MGAT4C: variants seen among roughly 807,000 people sequenced by gnomAD.
MGAT4C encodes MGAT4 family member C, also known as alpha-1,3-mannosyl-glycoprotein 4-beta-N-acetylglucosaminyltransferase C.
A neutral mutation model predicts 40.1 loss-of-function variants in MGAT4C; 19 were observed. That is an observed-to-expected ratio of 0.47 (90% confidence interval 0.33 to 0.70). The LOEUF (loss-of-function observed/expected upper bound fraction) is 0.70. Among genes scored for constraint, MGAT4C ranks in the 30% least tolerant of loss-of-function variants. The pLI is 0.02. For missense variants in MGAT4C, 491 were observed against 563.2 expected (o/e 0.87, Z 1.30); for synonymous variants, 181 against 187.1 (o/e 0.97, Z 0.27).
chr12:86,429,725 T>C (rs891722049), intron 3 of MGAT4C, among the ~76,000 whole-genome samples: 1 of 152,192 alleles, frequency 6.6e-6, no homozygotes, highest in African/African-American at 2.4e-5. Context: ...CTTGATTTTT[T>C]ATTGTTTTGT....
At position 86,790,781 on chromosome 12, in the gene MGAT4C, A is replaced by G. The variant is rs144914385; in HGVS notation, c.-262+47885T>C. ...TTGAATCTCTGCGTTCAGAGAGTCA[A>G]TGTTAATGTTCAAATTTTCTGACCC... On this transcript the variant is annotated intron_variant, in intron 1 of 7. Coordinates refer to the MGAT4C transcript ENST00000548651. Among the ~76,000 whole-genome samples the G allele has an allele frequency of 2.0e-5, 3 of 152,282 alleles. No homozygotes were observed. The East Asian group carries it at 5.8e-4, about 29-fold the overall frequency.
intron 1 of MGAT4C, among the ~76,000 whole-genome samples, chr12:86,808,262 C>T (rs926381226): frequency 1.3e-5 from 2 of 152,064 alleles, no homozygotes; most frequent in African/African-American, 4.8e-5. Flanking sequence ...AGAGACTCCT[C>T]TCTAACTCAT....
At chr12:86,618,480 A>G (rs1239401685) in intron 2 of MGAT4C, among the ~76,000 whole-genome samples, 1 of 152,202 alleles carries the variant, frequency 6.6e-6, no homozygotes, top group Non-Finnish European at 1.5e-5. Context: ...TACACAACTG[A>G]ATACTATTTG....
chr12:86,791,088 G>A (rs943467185), intron 1 of MGAT4C, among the ~76,000 whole-genome samples: 1 of 152,076 alleles, frequency 6.6e-6, no homozygotes, highest in Admixed American at 6.6e-5. Flanking sequence ...TCTAGTAAGG[G>A]GACATGTAGG....
chr12:86,711,725 A>G (rs1165566119), intron 2 of MGAT4C, among the ~76,000 whole-genome samples: 1 of 152,192 alleles, frequency 6.6e-6, no homozygotes, highest in Non-Finnish European at 1.5e-5. Flanking sequence ...AATTGCTAAT[A>G]TATTAAATTA....
At chr12:86,107,249 A>G (rs907618571) in intron 1 of MGAT4C, among the ~76,000 whole-genome samples, 2 of 152,144 alleles carry the variant, frequency 1.3e-5, no homozygotes, top group Non-Finnish European at 2.9e-5. Flanking sequence ...TTTCAAATAT[A>G]TTTTAAAATC....
chr12:86,428,073 C>T (rs572319026), intron 3 of MGAT4C, among the ~76,000 whole-genome samples: 184 of 151,920 alleles, frequency 1.2e-3, no homozygotes, highest in African/African-American at 4.2e-3. Flanking sequence ...CAAAAAAACC[C>T]GCTAATATAG....
intron 1 of MGAT4C, among the ~76,000 whole-genome samples, chr12:86,810,461 T>C (rs7296322): frequency 0.64 from 96,374 of 151,642 alleles, 31,945 homozygotes; most frequent in Non-Finnish European, 0.72. Context: ...ATTATATCAG[T>C]TATAAGCTTA....
rs34852259 is a variant in MGAT4C, at chr12:86,376,818, C to CAGAG, written c.-119-42695_-119-42692dup. On this transcript the variant is annotated intron_variant, in intron 3 of 7. Coordinates refer to the MGAT4C transcript ENST00000548651. ...AGAGAGAGAGACAGAGAGAGAGAGACAGAGAGAGAGAGAGAGAGAGAGAGA... is the reference window on the plus strand; with the variant it reads ...AGAGAGAGAGACAGAGAGAGAGAGACAGAGAGAGAGAGAGAGAGAGAGAGAGAGA... Among the ~76,000 whole-genome samples the CAGAG allele has an allele frequency of 8.0e-5, 10 of 125,372 alleles. No homozygotes were observed. The East Asian group carries it at 9.7e-4, about 12-fold the overall frequency. The allele number at this position is 125,372 out of a possible 152,430, so 82.2% of individuals were successfully genotyped here. A position where few individuals can be genotyped will look rare whatever the true frequency, so the allele number is the denominator to read the frequency against.
chr12:86,406,033 C>T (rs1337386679), intron 3 of MGAT4C, among the ~76,000 whole-genome samples: 4 of 129,112 alleles, frequency 3.1e-5, no homozygotes, highest in Non-Finnish European at 6.5e-5. Flanking sequence ...ATATTATATA[C>T]AATTATATAT....
At chr12:86,333,792 A>T (rs900338110) in intron 4 of MGAT4C, among the ~76,000 whole-genome samples, 2 of 152,188 alleles carry the variant, frequency 1.3e-5, no homozygotes, top group Non-Finnish European at 2.9e-5. Context: ...AATACATTGG[A>T]ATAGCAAAAC....
At chr12:86,751,018 C>G (rs1951224280) in intron 1 of MGAT4C, among the ~76,000 whole-genome samples, 1 of 151,860 alleles carries the variant, frequency 6.6e-6, no homozygotes, top group South Asian at 2.1e-4. Flanking sequence ...ACCGTAAGAG[C>G]CTTGCACATC....
At chr12:86,349,580 G>A (rs567553937) in intron 3 of MGAT4C, among the ~76,000 whole-genome samples, 3 of 152,152 alleles carry the variant, frequency 2.0e-5, no homozygotes, top group Non-Finnish European at 4.4e-5. Flanking sequence ...GAACGAACTA[G>A]TGCTTCAACC....
At chr12:86,310,923 CAAAAAACAAACAAACA>C (rs1393406041) in intron 4 of MGAT4C, among the ~76,000 whole-genome samples, 1 of 152,012 alleles carries the variant, frequency 6.6e-6, no homozygotes, top group East Asian at 1.9e-4. Context: ...GACTTCGTCT[CAAAAAACAAACAAACA>C]AAAAAACAAA....
chr12:86,496,465 T>A (rs578102533), intron 2 of MGAT4C, among the ~76,000 whole-genome samples: 1 of 150,690 alleles, frequency 6.6e-6, no homozygotes. Flanking sequence ...TTTCTCAATC[T>A]TTTTAGAGAA....
At chr12:86,216,939 G>A (rs56014935) in intron 1 of MGAT4C, among the ~76,000 whole-genome samples, 11,157 of 152,056 alleles carry the variant, frequency 0.073, 576 homozygotes, top group Middle Eastern at 0.22. Context: ...GCTTTGTCTC[G>A]TCTTTATAAG....
chr12:86,475,209 A>G (rs997584989), intron 2 of MGAT4C, among the ~76,000 whole-genome samples: 1 of 152,024 alleles, frequency 6.6e-6, no homozygotes, highest in Non-Finnish European at 1.5e-5. Context: ...GAAGGAAACT[A>G]ATCACTAACT....
chr12:86,774,348 TC>T (rs1565981727), intron 1 of MGAT4C, among the ~76,000 whole-genome samples: 635 of 63,158 alleles, frequency 0.01, 17 homozygotes, highest in Non-Finnish European at 0.014. Context: ...TCTGTCTCTC[TC>T]TCTCCCCTCT....
intron 1 of MGAT4C, among the ~76,000 whole-genome samples, chr12:86,203,786 C>T (rs1950140493): frequency 2.6e-5 from 4 of 151,306 alleles, no homozygotes; most frequent in Admixed American, 2.0e-4. Flanking sequence ...GGTGAAACCC[C>T]GTCTCTACTA....
Sources: allele counts gnomAD v4.1 joint callset (sites outside exome capture counted in the v4.1 genomes callset), GRCh38; gene constraint gnomAD v4.1.1; transcripts MANE v1.5; gene names NCBI Gene and HGNC (gene_info 2026-07-23, HGNC 2026-07-21).